PIK3C2A: variants seen among roughly 807,000 people sequenced by gnomAD.
PIK3C2A encodes phosphatidylinositol-4-phosphate 3-kinase catalytic subunit type 2 alpha, also known as phosphatidylinositol 4-phosphate 3-kinase C2 domain-containing subunit alpha.
In PIK3C2A, 97 loss-of-function variants were observed where a neutral mutation model predicts 204.5. The ratio of observed to expected loss-of-function variants is 0.47; its 90% CI spans 0.40 to 0.56. PIK3C2A has a LOEUF of 0.56. Among genes scored for constraint, PIK3C2A ranks in the 20% least tolerant of loss-of-function variants. The pLI is 0.00. For missense variants in PIK3C2A, 1,735 were observed against 1,969.2 expected, an observed-to-expected ratio of 0.88 and a Z score of 2.25; for synonymous variants, 653 against 664.4, an observed-to-expected ratio of 0.98 and a Z score of 0.26.
At chr11:17,140,753 T>C (rs1056125574) in intron 8 of PIK3C2A, among the ~76,000 whole-genome samples, 24 of 152,186 alleles carry the variant, frequency 1.6e-4, no homozygotes, top group African/African-American at 5.3e-4. Context: ...ACTCTATGCA[T>C]TGGCTAAGAA....
At chr11:17,156,570 T>G (rs1245293168) in intron 2 of PIK3C2A, among the ~76,000 whole-genome samples, 1 of 151,862 alleles carries the variant, frequency 6.6e-6, no homozygotes, top group Non-Finnish European at 1.5e-5. Context: ...TTTTGTAGAG[T>G]CGGGGTTTTA....
intron 12 of PIK3C2A, among the ~76,000 whole-genome samples, chr11:17,130,579 C>T (rs1842460992): frequency 1.3e-5 from 2 of 151,706 alleles, no homozygotes; most frequent in Admixed American, 6.6e-5. Context: ...CCAAGGTGGG[C>T]GGATCACCTG....
intron 27 of PIK3C2A, among the ~76,000 whole-genome samples, chr11:17,095,041 G>C (rs1017443194): frequency 6.6e-5 from 10 of 152,054 alleles, no homozygotes; most frequent in African/African-American, 2.4e-4. Context: ...TTCAGCCCTG[G>C]AGTTAGAGAC....
intron 1 of PIK3C2A, among the ~76,000 whole-genome samples, chr11:17,200,596 G>T (rs905502500): frequency 6.6e-6 from 1 of 152,140 alleles, no homozygotes; most frequent in African/African-American, 2.4e-5. Context: ...GGAGTGAGGG[G>T]TGGGCTGAAG....
chr11:17,114,248 T>C (rs1849102051), intron 20 of PIK3C2A, 113 bp downstream of exon 20: 3 of 585,610 alleles, frequency 5.1e-6, no homozygotes, highest in Admixed American at 5.3e-5. Flanking sequence ...CATCCATGCT[T>C]ATAACCAACC....
intron 8 of PIK3C2A, among the ~76,000 whole-genome samples, chr11:17,136,893 A>T (rs1332283466): frequency 6.6e-6 from 1 of 152,226 alleles, no homozygotes; most frequent in Non-Finnish European, 1.5e-5. Context: ...GTAGAAGCAT[A>T]AATTAGTAGC....
In PIK3C2A at chr11:17,119,320, G is replaced by T. The variant is rs762368454; in HGVS notation, c.2847-7C>A. 8.4e-6 allele frequency: 13 copies of T among 1,555,052 alleles called. No individual in the cohort carries two copies. The South Asian group carries it at 1.1e-4, about 13-fold the overall frequency. On this transcript the variant is annotated splice_polypyrimidine_tract_variant and splice_region_variant and intron_variant, in intron 16 of 32. Transcript: ENST00000691414. Reference sequence around the variant, plus strand: ...TACTTCCTGATCAGCAAATCTAGAAGATTACCATAAAACCAAGATTGGACA... The same window carrying T: ...TACTTCCTGATCAGCAAATCTAGAATATTACCATAAAACCAAGATTGGACA...
At chr11:17,171,412 T>G (rs564127900) in intron 1 of PIK3C2A, among the ~76,000 whole-genome samples, 1 of 152,052 alleles carries the variant, frequency 6.6e-6, no homozygotes, top group East Asian at 1.9e-4. Context: ...GCTCAATATA[T>G]ACGTGAGACA....
At chr11:17,181,201 T>C (rs925722675) in intron 1 of PIK3C2A, among the ~76,000 whole-genome samples, 1 of 152,090 alleles carries the variant, frequency 6.6e-6, no homozygotes, top group Non-Finnish European at 1.5e-5. Flanking sequence ...CTTCATTATA[T>C]AGACATGGTT....
In PIK3C2A at chr11:17,097,037, A is replaced by G. The variant is rs1238364221; in HGVS notation, c.4326+20T>C. On this transcript the variant is annotated intron_variant, in intron 27 of 32. Coordinates refer to ENST00000691414, the MANE Select transcript of PIK3C2A (RefSeq NM_002645.4). ...AATAATACATGCATGATTGTTTATG[A>G]ATATTGAAATCAAACTTACATAATG... The G allele has an allele frequency of 3.0e-6, 4 of 1,340,528 alleles. No individual in the cohort carries two copies. The highest frequency in any genetic ancestry group is 1.4e-5 in the African/African-American group (1 of 69,598). The allele number at this position is 1,340,528 out of a possible 1,614,324, so 83.0% of individuals were successfully genotyped here.
chr11:17,101,779 A>ATG (rs1249513556), intron 24 of PIK3C2A, among the ~76,000 whole-genome samples: 1 of 151,278 alleles, frequency 6.6e-6, no homozygotes, highest in Non-Finnish European at 1.5e-5. Context: ...AATTTTTTGT[A>ATG]TTTTTAGTAG....
chr11:17,164,664 T>C (rs933291288), intron 2 of PIK3C2A, among the ~76,000 whole-genome samples: 25 of 152,216 alleles, frequency 1.6e-4, no homozygotes, highest in African/African-American at 5.3e-4. Flanking sequence ...CATAATCCAT[T>C]TGCTTACTAC....
chr11:17,118,544 C>T (rs1427081220), intron 18 of PIK3C2A, 101 bp downstream of exon 18: 2 of 606,046 alleles, frequency 3.3e-6, no homozygotes, highest in Non-Finnish European at 5.9e-6. Flanking sequence ...TATCTTGTAT[C>T]CACAATAAGT....
intron 3 of PIK3C2A, 106 bp downstream of exon 3, chr11:17,155,420 C>T: frequency 1.7e-6 from 1 of 591,042 alleles, no homozygotes; most frequent in Non-Finnish European, 3.0e-6. Context: ...AAATGTTAGC[C>T]ACAAGAAGAA....
intron 22 of PIK3C2A, among the ~76,000 whole-genome samples, chr11:17,107,360 T>C (rs887118857): frequency 9.9e-5 from 15 of 152,104 alleles, no homozygotes; most frequent in Non-Finnish European, 1.5e-4. Flanking sequence ...AATTATGTGA[T>C]ATTTACACAA....
intron 1 of PIK3C2A, among the ~76,000 whole-genome samples, chr11:17,181,465 C>G (rs1346832429): frequency 6.6e-6 from 1 of 151,576 alleles, no homozygotes. Context: ...AGACAGAAAA[C>G]ACACACATAT....
chr11:17,177,634 G>A (rs1171249279), intron 1 of PIK3C2A, among the ~76,000 whole-genome samples: 1 of 152,110 alleles, frequency 6.6e-6, no homozygotes, highest in East Asian at 1.9e-4. Flanking sequence ...TACATGACAA[G>A]ATAATATTCT....
intron 14 of PIK3C2A, 134 bp from the exon 15 acceptor site, chr11:17,122,467 T>C (rs931581463): frequency 7.7e-5 from 50 of 648,426 alleles, no homozygotes; most frequent in Middle Eastern, 4.2e-4. Flanking sequence ...ATGCTTCTTG[T>C]TGCAATTGAT....
intron 2 of PIK3C2A, among the ~76,000 whole-genome samples, chr11:17,159,355 C>A (rs747897241): frequency 6.6e-5 from 10 of 152,196 alleles, no homozygotes; most frequent in Non-Finnish European, 1.2e-4. Flanking sequence ...TAAGAAAACA[C>A]TGCCAATGCA....
Sources: allele counts gnomAD v4.1 joint callset (sites outside exome capture counted in the v4.1 genomes callset), GRCh38; gene constraint gnomAD v4.1.1; transcripts MANE v1.5; gene names NCBI Gene and HGNC (gene_info 2026-07-23, HGNC 2026-07-21).